IFT122: variants seen among roughly 807,000 people sequenced by gnomAD.
IFT122 encodes intraflagellar transport 122, also known as intraflagellar transport protein 122 homolog.
Under a neutral mutation model 161.6 loss-of-function variants are expected in IFT122, and 118 were observed. That is an observed-to-expected ratio of 0.73 (90% CI 0.63 to 0.85). IFT122 has a LOEUF of 0.85. Ranked by LOEUF, IFT122 falls within the 40% of genes least tolerant of loss-of-function variation. The pLI is 0.00. For missense variants in IFT122, 1,381 were observed against 1,579.6 expected (o/e 0.87, Z 2.13); for synonymous variants, 550 against 602.4 (o/e 0.91, Z 1.27).
At chr3:129,516,496 ACACACATGGAGACTGCCCCTGCGTG>A (rs2083679383) in intron 26 of IFT122, among the ~76,000 whole-genome samples, 1 of 134,886 alleles carries the variant, frequency 7.4e-6, no homozygotes, top group African/African-American at 3.1e-5. Flanking sequence ...GCCCCTGCAC[ACACACATGGAGACTGCCCCTGCGTG>A]CACACACAGA....
In IFT122 at chr3:129,484,546, C is replaced by T. The variant is rs554719261; in HGVS notation, c.1851+864C>T. 2.1e-4 allele frequency among the ~76,000 whole-genome samples: 32 copies of T among 152,258 alleles called. No individual in the cohort carries two copies. In the South Asian group the frequency reaches 6.2e-3, roughly 30 times the overall value. On this transcript the variant is annotated intron_variant, in intron 15 of 29. Transcript: ENST00000348417. ...ACTTTTCATGACTTTTATGTGTATA[C>T]GTATTGCTACCTATAGATGGAACCT...
chr3:129,456,419 A>G (rs112972053), intron 3 of IFT122, among the ~76,000 whole-genome samples: 6,384 of 152,230 alleles, frequency 0.042, 399 homozygotes, highest in African/African-American at 0.13. Context: ...CGGGTGGATC[A>G]TGAGGTCAGG....
chr3:129,519,851 G>A (rs1027367654), intron 29 of IFT122, 119 bp downstream of exon 29: 6 of 1,241,488 alleles, frequency 4.8e-6, no homozygotes, highest in Middle Eastern at 1.9e-4. Context: ...TCCAAGTTGG[G>A]ACAGAGGCTT....
At chr3:129,505,095 C>T (rs1418331454) in intron 21 of IFT122, among the ~76,000 whole-genome samples, 1 of 152,228 alleles carries the variant, frequency 6.6e-6, no homozygotes. Flanking sequence ...TGACTTCCCT[C>T]TCTGTGTCAG....
chr3:129,479,761 T>C, intron 12 of IFT122, 24 bp from the exon 13 acceptor site: 1 of 1,613,780 alleles, frequency 6.2e-7, no homozygotes, highest in Non-Finnish European at 8.5e-7. Flanking sequence ...TGAATTTCCA[T>C]GCAGAGCTGG....
At chr3:129,490,110 G>A (rs549352823) in intron 16 of IFT122, among the ~76,000 whole-genome samples, 1 of 152,238 alleles carries the variant, frequency 6.6e-6, no homozygotes, top group African/African-American at 2.4e-5. Flanking sequence ...CAGTCTTCTT[G>A]CCTCAGCCTC....
chr3:129,459,605 C>CTTCT (rs1350427738), intron 4 of IFT122, among the ~76,000 whole-genome samples: 2 of 148,798 alleles, frequency 1.3e-5, no homozygotes, highest in Non-Finnish European at 3.0e-5. Flanking sequence ...TCCTTCCTTC[C>CTTCT]TTCTTTCCTT....
intron 17 of IFT122, among the ~76,000 whole-genome samples, chr3:129,492,921 T>G (rs2080326080): frequency 6.7e-6 from 1 of 149,572 alleles, no homozygotes; most frequent in African/African-American, 2.5e-5. Flanking sequence ...CAGGCTCAAA[T>G]GATCCTCCCA....
chr3:129,514,460 A>G lies in IFT122; in HGVS notation c.3059A>G (p.Asp1020Gly). The G allele has an allele frequency of 6.2e-7, 1 of 1,614,194 alleles. No individual in the cohort carries two copies. The highest frequency in any genetic ancestry group is 1.1e-5 in the South Asian group (1 of 91,080). Residue 1020 changes from aspartate (D) to glycine (G), a missense_variant, in exon 25 of 30, where the codon GAC becomes GGC. By Grantham distance (94) the Asp-to-Gly change is moderately conservative. Transcript: ENST00000348417. ...TACAGGCTGGCCCGGCACGCCTATG[A>G]CAAGCTGCGTGGCCTGTACATCCCT... ...GAYRLARHAY[D>G]KLRGLYIPAR... is the part of the protein sequence containing the mutation.
At chr3:129,443,092 A>G (rs60925130) in intron 1 of IFT122, among the ~76,000 whole-genome samples, 8,540 of 152,196 alleles carry the variant, frequency 0.056, 581 homozygotes, top group African/African-American at 0.15. Flanking sequence ...CCACATGTCC[A>G]CATGTCTTTA....
Position 129,476,445 on chromosome 3 carries a change from C to G in IFT122, c.947C>G (p.Thr316Ser). ...LFTKDGVRLG[T>S]VGEQNSWVWT... is the part of the protein sequence containing the mutation. Reference sequence around the variant, plus strand: ...ACCAAGGATGGAGTGCGGCTTGGGACTGTTGGGGAGCAGAACTCCTGGGTG... The same window carrying G: ...ACCAAGGATGGAGTGCGGCTTGGGAGTGTTGGGGAGCAGAACTCCTGGGTG... The change falls in exon 10 of 30, where the codon ACT (threonine) becomes AGT (serine). Residue 316 changes from threonine to serine, a missense_variant. Coordinates refer to ENST00000348417, the MANE Select transcript of IFT122 (RefSeq NM_052989.3). The G allele has an allele frequency of 6.2e-7, 1 of 1,614,086 alleles. No homozygotes were observed. Among genetic ancestry groups the G allele is most frequent in the Non-Finnish European group, 8.5e-7 (1 of 1,180,032 alleles).
Position 129,514,572 on chromosome 3 carries a change from T to A in IFT122, c.3153+18T>A. 1 of 1,614,062 alleles carries A rather than the reference T, an allele frequency of 6.2e-7. No individual in the cohort carries two copies. The highest frequency in any genetic ancestry group is 2.2e-5 in the East Asian group (1 of 44,876). ...ACAGTGAGGTGAGGATGCAGCACCC[T>A]TGGGCAGGTGGCTTCTCCTCTCCCT... On this transcript the variant is annotated intron_variant, in intron 25 of 29. Coordinates refer to ENST00000348417, the MANE Select transcript of IFT122 (RefSeq NM_052989.3).
intron 26 of IFT122, among the ~76,000 whole-genome samples, chr3:129,517,001 A>G: frequency 7.1e-6 from 1 of 140,162 alleles, no homozygotes; most frequent in African/African-American, 2.7e-5. Flanking sequence ...ACACACACAC[A>G]CACAGAAACT....
At position 129,483,465 on chromosome 3, in the gene IFT122, C is replaced by G. The variant is rs774202017; in HGVS notation, c.1654-20C>G. ...GCCCAGGGTGGTTCTCACAGGATCC[C>G]CACTGTCCCTGTTCCCCAGGAACCA... is the stretch of plus-strand genomic sequence containing the variant. On this transcript the variant is annotated intron_variant, in intron 14 of 29. Transcript: ENST00000348417. 52 of 1,610,738 alleles carry G rather than the reference C, an allele frequency of 3.2e-5. No individual in the cohort carries two copies. Among genetic ancestry groups the G allele is most frequent in the Non-Finnish European group, 4.3e-5 (51 of 1,177,294 alleles).
rs370054039 is a variant in IFT122 at position 129,511,399 on chromosome 3, C to T, written c.2887-913C>T. 5.9e-5 allele frequency among the ~76,000 whole-genome samples: 9 copies of T among 152,208 alleles called. No homozygotes were observed. In the East Asian group the frequency reaches 1.5e-3, roughly 26 times the overall value. On this transcript the variant is annotated intron_variant, in intron 23 of 29. Coordinates refer to ENST00000348417, the MANE Select transcript of IFT122 (RefSeq NM_052989.3). ...AGAAGTGTAGAGCAAAGTGAGTCCTCAGGAGTTCAGACCAATTAGGGGTTA... is the reference window on the plus strand; with the variant it reads ...AGAAGTGTAGAGCAAAGTGAGTCCTTAGGAGTTCAGACCAATTAGGGGTTA...
intron 9 of IFT122, among the ~76,000 whole-genome samples, chr3:129,471,018 T>A (rs1005515943): frequency 6.6e-6 from 1 of 152,172 alleles, no homozygotes; most frequent in Non-Finnish European, 1.5e-5. Context: ...GAGGGTGGAT[T>A]AAAATATAGA....
intron 19 of IFT122, among the ~76,000 whole-genome samples, chr3:129,500,416 G>A (rs2081383309): frequency 6.6e-6 from 1 of 152,240 alleles, no homozygotes; most frequent in South Asian, 2.1e-4. Context: ...CCTTGCAGAT[G>A]ATGAAACAGA....
chr3:129,470,459 G>A lies in IFT122; in HGVS notation c.816+1042G>A, dbSNP rs190581089. ...TTTTTGTATTTTTAGTAGAGACGGG[G>A]TTTCACTGTGTTAGCCAGGATGGTC... On this transcript the variant is annotated intron_variant, in intron 9 of 29. Coordinates refer to ENST00000348417, the MANE Select transcript of IFT122 (RefSeq NM_052989.3). 2.0e-3 allele frequency among the ~76,000 whole-genome samples: 298 copies of A among 152,004 alleles called. 1 individual carries two copies. Among genetic ancestry groups the A allele is most frequent in the African/African-American group, 6.3e-3 (260 of 41,422 alleles).
At chr3:129,512,263 C>T (rs779305111) in intron 23 of IFT122, 49 bp from the exon 24 acceptor site, 2 of 1,340,352 alleles carry the variant, frequency 1.5e-6, no homozygotes, top group Admixed American at 1.7e-5. Context: ...CCTGGCCCAG[C>T]AGCAGCTCTT....
Sources: gnomAD v4.1 joint callset for allele counts (sites outside exome capture counted in the v4.1 genomes callset) on GRCh38, gnomAD v4.1.1 for gene constraint, MANE v1.5 for transcripts, NCBI Gene and HGNC (gene_info 2026-07-23, HGNC 2026-07-21) for gene names.